RANBP10: variants seen among roughly 807,000 people sequenced by gnomAD.
RANBP10 encodes ran-binding protein 10.
In RANBP10, 24 loss-of-function variants were observed where a neutral mutation model predicts 72.8. That is an observed-to-expected ratio of 0.33 (90% confidence interval 0.24 to 0.46). The LOEUF (loss-of-function observed/expected upper bound fraction) is 0.46. RANBP10 is among the 20% of genes least tolerant of loss of function. The probability of loss-of-function intolerance (pLI) is 1.00; values close to 1 mark genes in which losing one functional copy is unlikely to be tolerated. For synonymous variants in RANBP10, 310 were observed against 322.3 expected (o/e 0.96, Z 0.41); for missense variants, 679 against 817.5 (o/e 0.83, Z 2.07).
intron 3 of RANBP10, among the ~76,000 whole-genome samples, chr16:67,753,871 A>G (rs2054239835): frequency 6.6e-6 from 1 of 152,166 alleles, no homozygotes; most frequent in East Asian, 1.9e-4. Flanking sequence ...GCGGTGGCTC[A>G]TGCCTGTGAT....
At chr16:67,795,576 A>T (rs2055115627) in intron 2 of RANBP10, among the ~76,000 whole-genome samples, 1 of 151,838 alleles carries the variant, frequency 6.6e-6, no homozygotes, top group Admixed American at 6.6e-5. Context: ...TTTTAAAAAT[A>T]AAGGTTTTCG....
intron 2 of RANBP10, among the ~76,000 whole-genome samples, chr16:67,778,780 G>A (rs182154352): frequency 6.6e-5 from 10 of 152,264 alleles, no homozygotes; most frequent in Non-Finnish European, 1.0e-4. Context: ...CATCACTATC[G>A]TTACGGAAAT....
rs1302507888 is a variant in RANBP10, at chr16:67,729,165, C to T, written c.1352+115G>A. ...GTGGGCCAAAAATTAGGACTCCAGG[C>T]ACAGACCTGAGATGGAGGCTGGGGG... On this transcript the variant is annotated intron_variant, in intron 10 of 13. Transcript: ENST00000317506. This position sits in a 1 kb window ranked among gnomAD's most constrained non-coding sequence, Gnocchi z 7.1. 9 of 1,518,186 alleles carry T rather than the reference C, an allele frequency of 5.9e-6. No individual in the cohort carries two copies. In the African/African-American group the frequency reaches 1.1e-4, roughly 19 times the overall value. 94.0% of individuals were successfully genotyped at this position (1,518,186 alleles called of 1,614,324 possible).
At chr16:67,740,810 G>A (rs752933253) in intron 4 of RANBP10, among the ~76,000 whole-genome samples, 1 of 152,192 alleles carries the variant, frequency 6.6e-6, no homozygotes, top group Non-Finnish European at 1.5e-5. Flanking sequence ...AAGCCGCATG[G>A]TCTGCCTGTC....
chr16:67,751,896 GA>G (rs372627812), intron 3 of RANBP10, among the ~76,000 whole-genome samples: 42 of 119,516 alleles, frequency 3.5e-4, no homozygotes, highest in African/African-American at 1.0e-3. Flanking sequence ...GTCTCAAAAA[GA>G]AAAAAAAAAG....
At position 67,729,779 on chromosome 16, in the gene RANBP10, T is replaced by C. The variant is rs369584961; in HGVS notation, c.1048A>G (p.Ser350Gly). 13 of 1,614,096 alleles carry C rather than the reference T, an allele frequency of 8.1e-6. No individual in the cohort carries two copies. The highest frequency in any genetic ancestry group is 1.1e-5 in the Non-Finnish European group (13 of 1,180,026). ...GACTTGGGGCTTCGGGAGCTCAAACTTCGGACCTCACTGTCCGTCCCATTC... is the reference window on the plus strand; with the variant it reads ...GACTTGGGGCTTCGGGAGCTCAAACCTCGGACCTCACTGTCCGTCCCATTC... The part of the protein sequence containing the change: ...MVNGTDSEVR[S>G]LSSRSPKSQD... The change falls in exon 9 of 14, where the codon AGT (serine) becomes GGT (glycine). Residue 350 changes from serine to glycine, a missense_variant. Coordinates refer to ENST00000317506, the MANE Select transcript of RANBP10 (RefSeq NM_020850.3). The surrounding 1 kb of genome is among the most constrained non-coding windows in gnomAD (Gnocchi z 7.1).
At chr16:67,731,749 TC>T (rs2053738032) in intron 6 of RANBP10, among the ~76,000 whole-genome samples, 165 bp from the exon 7 acceptor site, 1 of 151,960 alleles carries the variant, frequency 6.6e-6, no homozygotes, top group African/African-American at 2.4e-5. Flanking sequence ...AATGAAAACT[TC>T]CCCCATGGTG....
Position 67,727,763 on chromosome 16 carries a change from T to G in RANBP10, c.1608A>C (p.Thr536=). Residue 536 remains threonine, a synonymous_variant, in exon 12 of 14, where the codon ACA becomes ACC. Transcript: ENST00000317506. ...GCTCATCCTGTACCTGCAGCATCTC[T>G]GTGTGGGCCAAATTCTTGCCGTACT... ...GREYGKNLAH[T]EMLQDAFSLL... 6.2e-7 allele frequency: 1 copy of G among 1,614,188 alleles called. No homozygotes were observed. The highest frequency in any genetic ancestry group is 8.5e-7 in the Non-Finnish European group (1 of 1,180,020).
At chr16:67,779,399 A>AG (rs888235734) in intron 2 of RANBP10, among the ~76,000 whole-genome samples, 6 of 151,596 alleles carry the variant, frequency 4.0e-5, no homozygotes, top group Non-Finnish European at 8.8e-5. Flanking sequence ...CTTGTCTCAA[A>AG]GAAAAAAAAA....
chr16:67,772,620 C>T (rs1319058429), intron 2 of RANBP10, among the ~76,000 whole-genome samples: 1 of 152,194 alleles, frequency 6.6e-6, no homozygotes, highest in Non-Finnish European at 1.5e-5. Context: ...CATACATTCA[C>T]ATTGGCCTCC....
chr16:67,779,003 G>A (rs865795346), intron 2 of RANBP10, among the ~76,000 whole-genome samples: 1 of 152,160 alleles, frequency 6.6e-6, no homozygotes, highest in Non-Finnish European at 1.5e-5. Context: ...TGAGATGGGA[G>A]CACAGCTTGA....
intron 2 of RANBP10, among the ~76,000 whole-genome samples, chr16:67,789,614 C>A (rs1220030923): frequency 6.6e-6 from 1 of 151,412 alleles, no homozygotes; most frequent in Non-Finnish European, 1.5e-5. Context: ...GGATTATAGG[C>A]ACACACCACC....
chr16:67,802,082 G>A (rs1378258960), intron 2 of RANBP10, among the ~76,000 whole-genome samples: 25 of 144,516 alleles, frequency 1.7e-4, no homozygotes, highest in Non-Finnish European at 2.7e-4. Flanking sequence ...GCAACAGAGC[G>A]AGACCCTGCC....
At chr16:67,800,631 G>A (rs2055219404) in intron 2 of RANBP10, among the ~76,000 whole-genome samples, 1 of 152,086 alleles carries the variant, frequency 6.6e-6, no homozygotes, top group African/African-American at 2.4e-5. Context: ...GTGCTCTGAT[G>A]TCTCCTCACC....
intron 10 of RANBP10, chr16:67,728,746 T>C: frequency 1.4e-6 from 1 of 713,084 alleles, no homozygotes; most frequent in Non-Finnish European, 2.3e-6. Flanking sequence ...GCCTCTGTGA[T>C]TCTCCCCTCC....
intron 3 of RANBP10, among the ~76,000 whole-genome samples, chr16:67,745,162 G>T (rs1182547275): frequency 6.6e-6 from 1 of 151,490 alleles, no homozygotes; most frequent in Non-Finnish European, 1.5e-5. Flanking sequence ...ATTTTTAGTA[G>T]AGAGGGGGTT....
chr16:67,784,856 C>G (rs1408028582), intron 2 of RANBP10, among the ~76,000 whole-genome samples: 4 of 151,120 alleles, frequency 2.6e-5, no homozygotes, highest in African/African-American at 9.7e-5. Context: ...AGAAAATGAT[C>G]TAAATATAAG....
Position 67,805,408 on chromosome 16 carries a change from G to A in RANBP10, c.347+20C>T, listed in dbSNP as rs763537472. 2 of 1,590,260 alleles carry A rather than the reference G, an allele frequency of 1.3e-6. No individual in the cohort carries two copies. Among genetic ancestry groups the A allele is most frequent in the Non-Finnish European group, 1.7e-6 (2 of 1,159,268 alleles). On this transcript the variant is annotated intron_variant, in intron 2 of 13. Coordinates refer to ENST00000317506, the MANE Select transcript of RANBP10 (RefSeq NM_020850.3). Reference sequence around the variant, plus strand: ...ATCAGCTCCATGATCAGGGAAAGAGGGTGGTCATGAAGGGCTTACCCATCT... The same window carrying A: ...ATCAGCTCCATGATCAGGGAAAGAGAGTGGTCATGAAGGGCTTACCCATCT...
chr16:67,734,820 G>T (rs919639739), intron 6 of RANBP10, 38 bp downstream of exon 6: 4 of 1,508,976 alleles, frequency 2.7e-6, no homozygotes, highest in South Asian at 2.6e-5. Context: ...GGGCTGGGGT[G>T]GGGTGGGAGT....
Sources: allele counts gnomAD v4.1 joint callset (sites outside exome capture counted in the v4.1 genomes callset), GRCh38; gene constraint gnomAD v4.1.1; non-coding constraint Gnocchi (gnomAD v3.1); transcripts MANE v1.5; gene names NCBI Gene and HGNC (gene_info 2026-07-23, HGNC 2026-07-21).